CCDC171: variants seen among roughly 807,000 people sequenced by gnomAD.
CCDC171 encodes the protein coiled-coil domain-containing protein 171.
A neutral mutation model predicts 168.2 loss-of-function variants in CCDC171; 177 were observed. That is an observed-to-expected ratio of 1.05 (90% CI 0.93 to 1.19). The LOEUF (loss-of-function observed/expected upper bound fraction) is 1.19. CCDC171 is among the 50% of genes most tolerant of loss of function. CCDC171 has a pLI of 0.00. For missense variants in CCDC171, 1,991 were observed against 1,539.0 expected (o/e 1.29, Z -4.91); for synonymous variants, 687 against 540.8 (o/e 1.27, Z -3.75).
At chr9:15,699,336 A>T (rs528997248) in intron 11 of CCDC171, among the ~76,000 whole-genome samples, 5 of 152,178 alleles carry the variant, frequency 3.3e-5, no homozygotes, top group South Asian at 2.1e-4. Context: ...CAGCTCATAA[A>T]AGCAGTGTGG....
intron 7 of CCDC171, among the ~76,000 whole-genome samples, chr9:15,634,681 T>G (rs1037304907): frequency 1.3e-5 from 2 of 152,332 alleles, no homozygotes; most frequent in Admixed American, 6.5e-5. Context: ...AATTTGTCCA[T>G]TTGAAGTGTA....
At chr9:15,850,373 A>G (rs1279961696) in intron 23 of CCDC171, 2 of 151,948 alleles carry the variant, frequency 1.3e-5, no homozygotes, top group Admixed American at 6.6e-5. Flanking sequence ...TAAATATAAT[A>G]AAGACTGACT....
intron 24 of CCDC171, among the ~76,000 whole-genome samples, chr9:15,876,410 T>C (rs1817854167): frequency 6.6e-6 from 1 of 152,130 alleles, no homozygotes; most frequent in African/African-American, 2.4e-5. Flanking sequence ...ATTCTCACAA[T>C]GAGCCTGTCA....
intron 6 of CCDC171, among the ~76,000 whole-genome samples, chr9:15,620,495 C>G (rs2044417829): frequency 6.6e-6 from 1 of 152,184 alleles, no homozygotes; most frequent in Non-Finnish European, 1.5e-5. Context: ...GAAGATGTGA[C>G]TGAATTGCTG....
chr9:15,855,127 G>C (rs889287445), intron 23 of CCDC171, among the ~76,000 whole-genome samples: 1 of 151,620 alleles, frequency 6.6e-6, no homozygotes, highest in African/African-American at 2.4e-5. Flanking sequence ...CTAAATCCTT[G>C]ATTGTCTTTT....
intron 6 of CCDC171, among the ~76,000 whole-genome samples, chr9:16,029,478 G>A (rs972646738): frequency 6.6e-5 from 10 of 152,212 alleles, no homozygotes; most frequent in Admixed American, 3.9e-4. Flanking sequence ...GGCCACATCT[G>A]GGCTCACGGG....
chr9:15,689,782 C>T (rs928998347), intron 10 of CCDC171, among the ~76,000 whole-genome samples: 3 of 152,060 alleles, frequency 2.0e-5, no homozygotes, highest in South Asian at 2.1e-4. Context: ...AGTAGTAACA[C>T]GTTCCAATTT....
intron 3 of CCDC171, among the ~76,000 whole-genome samples, chr9:16,005,390 C>G (rs1221958297): frequency 1.3e-5 from 2 of 152,134 alleles, no homozygotes; most frequent in Non-Finnish European, 2.9e-5. Flanking sequence ...TATGTTCATC[C>G]ATTCATCAGT....
intron 1 of CCDC171, among the ~76,000 whole-genome samples, chr9:16,046,715 G>A (rs1833668007): frequency 6.6e-6 from 1 of 152,052 alleles, no homozygotes; most frequent in African/African-American, 2.4e-5. Flanking sequence ...CTTTCACTTG[G>A]CTCTCTCATT....
chr9:15,567,023 T>C (rs2039789142), intron 2 of CCDC171, among the ~76,000 whole-genome samples: 1 of 139,240 alleles, frequency 7.2e-6, no homozygotes, highest in Admixed American at 8.2e-5. Flanking sequence ...TTGATCTACA[T>C]GTCCTTTTTT....
intron 7 of CCDC171, among the ~76,000 whole-genome samples, chr9:15,643,943 A>G (rs533361407): frequency 5.8e-4 from 88 of 152,260 alleles, no homozygotes; most frequent in African/African-American, 1.5e-3. Context: ...ATTCCATTCT[A>G]TGGATTCACA....
At chr9:15,589,645 C>T (rs982671607) in intron 4 of CCDC171, among the ~76,000 whole-genome samples, 2 of 152,204 alleles carry the variant, frequency 1.3e-5, no homozygotes, top group African/African-American at 4.8e-5. Flanking sequence ...AAATACCTGC[C>T]TACAATACCA....
At chr9:15,647,853 T>C (rs2047175916) in intron 7 of CCDC171, among the ~76,000 whole-genome samples, 1 of 152,188 alleles carries the variant, frequency 6.6e-6, no homozygotes, top group Non-Finnish European at 1.5e-5. Context: ...TTTGAAACTA[T>C]TCCAATCAAT....
chr9:15,829,686 G>T (rs1000830090), intron 21 of CCDC171, among the ~76,000 whole-genome samples: 3 of 152,116 alleles, frequency 2.0e-5, no homozygotes, highest in African/African-American at 7.2e-5. Context: ...TTGGGAGGCC[G>T]AAGTGGGAGG....
chr9:15,644,252 C>G (rs1362515143), intron 7 of CCDC171, among the ~76,000 whole-genome samples: 2 of 152,058 alleles, frequency 1.3e-5, no homozygotes, highest in African/African-American at 4.8e-5. Context: ...TAAATTATAG[C>G]CATCTGGTTT....
At chr9:15,958,941 A>C (rs1174079167) in intron 25 of CCDC171, among the ~76,000 whole-genome samples, 1 of 152,130 alleles carries the variant, frequency 6.6e-6, no homozygotes, top group Non-Finnish European at 1.5e-5. Context: ...AGGGGGAAGG[A>C]TCATAACCTG....
intron 3 of CCDC171, among the ~76,000 whole-genome samples, chr9:16,020,170 C>T (rs191796917): frequency 1.1e-3 from 163 of 152,146 alleles, no homozygotes; most frequent in African/African-American, 3.8e-3. Flanking sequence ...TACATAACAC[C>T]GAACACAAAT....
intron 25 of CCDC171, among the ~76,000 whole-genome samples, chr9:15,966,953 G>C (rs901557450): frequency 1.3e-5 from 2 of 152,068 alleles, no homozygotes; most frequent in African/African-American, 4.8e-5. Context: ...AAGTATATGT[G>C]TGTGTGTATA....
chr9:15,969,979 G>T (rs1258648581), intron 25 of CCDC171, among the ~76,000 whole-genome samples: 1 of 152,142 alleles, frequency 6.6e-6, no homozygotes, highest in African/African-American at 2.4e-5. Flanking sequence ...ACTAATCAGG[G>T]TCAACACACG....
Sources: gnomAD v4.1 joint callset for allele counts (sites outside exome capture counted in the v4.1 genomes callset) on GRCh38, gnomAD v4.1.1 for gene constraint, MANE v1.5 for transcripts, NCBI Gene and HGNC (gene_info 2026-07-23, HGNC 2026-07-21) for gene names.